Variants in PDSS2 observed in about 807,000 individuals in gnomAD.
The protein encoded by PDSS2 is decaprenyl diphosphate synthase subunit 2.
A neutral mutation model predicts 44.5 loss-of-function variants in PDSS2; 31 were observed. That is an observed-to-expected ratio of 0.70 (90% CI 0.52 to 0.94). PDSS2 has a LOEUF of 0.94. PDSS2 is among the 40% of genes least tolerant of loss of function. The probability of loss-of-function intolerance (pLI) is 0.00; values close to 1 mark genes in which losing one functional copy is unlikely to be tolerated. For synonymous variants in PDSS2, 157 were observed against 180.3 expected, an observed-to-expected ratio of 0.87 and a Z score of 1.03; for missense variants, 452 against 482.2, an observed-to-expected ratio of 0.94 and a Z score of 0.59.
At chr6:107,175,294 C>G (rs1460914685) in intron 7 of PDSS2, among the ~76,000 whole-genome samples, 1 of 151,996 alleles carries the variant, frequency 6.6e-6, no homozygotes, top group African/African-American at 2.4e-5. Flanking sequence ...TCACAACAGC[C>G]CTACGAGGTA....
At chr6:107,312,117 C>T (rs376666718) in intron 2 of PDSS2, among the ~76,000 whole-genome samples, 6 of 152,168 alleles carry the variant, frequency 3.9e-5, no homozygotes, top group Admixed American at 2.6e-4. Flanking sequence ...GTGCATGCAG[C>T]GTATTGCCAG....
intron 1 of PDSS2, among the ~76,000 whole-genome samples, chr6:107,386,042 T>C (rs1261456842): frequency 6.6e-6 from 1 of 152,156 alleles, no homozygotes; most frequent in Non-Finnish European, 1.5e-5. Context: ...TTAGCCTCCC[T>C]TTCCTCATCC....
intron 4 of PDSS2, among the ~76,000 whole-genome samples, chr6:107,222,757 AT>A (rs1773653380): frequency 6.6e-6 from 1 of 151,822 alleles, no homozygotes. Flanking sequence ...ATTGGATTCC[AT>A]TTTCTTAGCA....
intron 1 of PDSS2, among the ~76,000 whole-genome samples, chr6:107,368,046 G>A (rs1261000086): frequency 6.6e-6 from 1 of 152,048 alleles, no homozygotes; most frequent in African/African-American, 2.4e-5. Context: ...CAAGGAGGGC[G>A]GATCATGAGG....
At chr6:107,343,775 G>A (rs552263151) in intron 1 of PDSS2, among the ~76,000 whole-genome samples, 2 of 152,130 alleles carry the variant, frequency 1.3e-5, no homozygotes, top group African/African-American at 4.8e-5. Context: ...TGGTGTCATT[G>A]TATAGGTGTT....
intron 3 of PDSS2, among the ~76,000 whole-genome samples, chr6:107,250,391 G>A (rs1774776613): frequency 6.6e-6 from 1 of 152,064 alleles, no homozygotes; most frequent in East Asian, 1.9e-4. Flanking sequence ...GATTCTGGAT[G>A]ATTTTTAATT....
intron 7 of PDSS2, among the ~76,000 whole-genome samples, chr6:107,176,190 C>CGCCA (rs1012116196): frequency 4.6e-5 from 7 of 151,942 alleles, no homozygotes; most frequent in African/African-American, 7.3e-5. Context: ...TATAGGTAAG[C>CGCCA]GCCACCACAC....
At chr6:107,299,877 T>G (rs1562445825) in intron 2 of PDSS2, among the ~76,000 whole-genome samples, 1 of 152,130 alleles carries the variant, frequency 6.6e-6, no homozygotes, top group Non-Finnish European at 1.5e-5. Flanking sequence ...GTATGTCTGA[T>G]GGGGGTGGAG....
chr6:107,407,356 G>GT (rs1780353193), intron 1 of PDSS2, among the ~76,000 whole-genome samples: 1 of 152,144 alleles, frequency 6.6e-6, no homozygotes, highest in Admixed American at 6.5e-5. Context: ...AAAATTAATA[G>GT]TGGTGATAGT....
chr6:107,360,461 G>A (rs1039346028), intron 1 of PDSS2, among the ~76,000 whole-genome samples: 3 of 152,214 alleles, frequency 2.0e-5, no homozygotes, highest in Non-Finnish European at 2.9e-5. Flanking sequence ...AATGTGAGTT[G>A]GCTTGGGATC....
At position 107,334,264 on chromosome 6, in the gene PDSS2, G is replaced by T; in HGVS notation, c.365C>A (p.Ala122Glu). Residue 122 changes from alanine to glutamate, a missense_variant, in exon 2 of 8, where the codon GCA (alanine) becomes GAA (glutamate). Transcript: ENST00000369037. ...RGLVVLLISK[A>E]AGPSSVNTSC... ...AGTGTTCACGCTGCTGGGCCCAGCTGCTTTAGAGATAAGGAGCACCACCAA... is the reference window on the plus strand; with the variant it reads ...AGTGTTCACGCTGCTGGGCCCAGCTTCTTTAGAGATAAGGAGCACCACCAA... The T allele has an allele frequency of 1.9e-6, 3 of 1,613,082 alleles. No individual in the cohort carries two copies. The highest frequency in any genetic ancestry group is 2.5e-6 in the Non-Finnish European group (3 of 1,179,168).
At chr6:107,451,074 T>A (rs1781851340) in intron 1 of PDSS2, among the ~76,000 whole-genome samples, 1 of 152,170 alleles carries the variant, frequency 6.6e-6, no homozygotes, top group Non-Finnish European at 1.5e-5. Flanking sequence ...TCAAGTGATC[T>A]GCCTGCCTCA....
chr6:107,254,823 T>C (rs948031363), intron 3 of PDSS2, among the ~76,000 whole-genome samples: 2 of 152,184 alleles, frequency 1.3e-5, no homozygotes, highest in Non-Finnish European at 2.9e-5. Context: ...TGGCTTTCAA[T>C]ACACATTGTG....
intron 7 of PDSS2, among the ~76,000 whole-genome samples, chr6:107,173,976 C>T (rs1333314731): frequency 1.3e-5 from 2 of 152,046 alleles, no homozygotes; most frequent in African/African-American, 2.4e-5. Context: ...GATGTAGGTA[C>T]AAAAAAATGC....
chr6:107,349,725 G>T (rs1400457809), intron 1 of PDSS2, among the ~76,000 whole-genome samples: 7 of 151,952 alleles, frequency 4.6e-5, no homozygotes, highest in Admixed American at 4.6e-4. Flanking sequence ...CTCCAGCCTG[G>T]GTGACAAGAG....
chr6:107,225,137 T>TATATATATATATATATATATATATATA (rs1446558243), intron 4 of PDSS2, among the ~76,000 whole-genome samples: 1 of 62,396 alleles, frequency 1.6e-5, no homozygotes, highest in African/African-American at 9.7e-5. Flanking sequence ...ATATATATTT[T>TATATATATATATATATATATATATATA]TATATATATA....
chr6:107,291,346 T>A (rs975633456), intron 2 of PDSS2, among the ~76,000 whole-genome samples: 2 of 108,516 alleles, frequency 1.8e-5, no homozygotes, highest in African/African-American at 3.5e-5. Context: ...TTTTATTTTA[T>A]AATTTTTTTT....
intron 3 of PDSS2, among the ~76,000 whole-genome samples, chr6:107,267,489 G>A (rs1775446564): frequency 6.6e-6 from 1 of 151,930 alleles, no homozygotes; most frequent in African/African-American, 2.4e-5. Flanking sequence ...GTGAAGGAGA[G>A]AATTTAGTGG....
chr6:107,400,906 G>T (rs1267744440), intron 1 of PDSS2, among the ~76,000 whole-genome samples: 1 of 152,160 alleles, frequency 6.6e-6, no homozygotes, highest in Non-Finnish European at 1.5e-5. Flanking sequence ...CACAAACTTT[G>T]TCTCCTTCCC....
Sources: allele counts gnomAD v4.1 joint callset (sites outside exome capture counted in the v4.1 genomes callset), GRCh38; gene constraint gnomAD v4.1.1; transcripts MANE v1.5; gene names NCBI Gene and HGNC (gene_info 2026-07-23, HGNC 2026-07-21).